The following DOCK10 variants were observed in gnomAD, a reference collection of about 807,000 sequenced individuals.
DOCK10 encodes dedicator of cytokinesis protein 10.
Under a neutral mutation model 280.1 loss-of-function variants are expected in DOCK10, and 145 were observed. The ratio of observed to expected loss-of-function variants is 0.52; its 90% confidence interval spans 0.45 to 0.59. DOCK10 has a LOEUF of 0.59. Ranked by LOEUF, DOCK10 falls within the 20% of genes least tolerant of loss-of-function variation. The probability of loss-of-function intolerance (pLI) is 0.00; values close to 1 mark genes in which losing one functional copy is unlikely to be tolerated. For missense variants in DOCK10, 2,368 were observed against 2,651.7 expected, an observed-to-expected ratio of 0.89 and a Z score of 2.35; for synonymous variants, 915 against 942.2, an observed-to-expected ratio of 0.97 and a Z score of 0.53.
At chr2:224,946,398 C>G (rs1703421905) in intron 1 of DOCK10, among the ~76,000 whole-genome samples, 1 of 150,008 alleles carries the variant, frequency 6.7e-6, no homozygotes, top group African/African-American at 2.5e-5. Flanking sequence ...TTGGATTGCT[C>G]TTTCTAAGAA....
chr2:224,886,715 A>G (rs1699305753), intron 4 of DOCK10, among the ~76,000 whole-genome samples, 184 bp from the exon 5 acceptor site: 1 of 152,130 alleles, frequency 6.6e-6, no homozygotes, highest in African/African-American at 2.4e-5. Flanking sequence ...ATGATATCTT[A>G]TCTCCAGTAT....
chr2:224,782,542 A>T (rs1691428113), intron 50 of DOCK10, among the ~76,000 whole-genome samples: 1 of 152,232 alleles, frequency 6.6e-6, no homozygotes. Flanking sequence ...AGGCTGCTAT[A>T]TGTCAAATTT....
At chr2:225,040,433 TTTTTAAAGACA>T (rs1428372781) in intron 1 of DOCK10, among the ~76,000 whole-genome samples, 1 of 152,120 alleles carries the variant, frequency 6.6e-6, no homozygotes, top group African/African-American at 2.4e-5. Context: ...CCCCCACCTC[TTTTTAAAGACA>T]GCGAGCTTAT....
intron 1 of DOCK10, among the ~76,000 whole-genome samples, chr2:225,026,396 GCTGGAAGGAAA>G: frequency 6.6e-6 from 1 of 152,154 alleles, no homozygotes; most frequent in South Asian, 2.1e-4. Context: ...TAGTGAGAAG[GCTGGAAGGAAA>G]CCACAAGGAC....
intron 30 of DOCK10, 111 bp from the exon 31 acceptor site, chr2:224,814,475 T>C (rs1329056976): frequency 5.8e-6 from 3 of 517,410 alleles, no homozygotes; most frequent in Non-Finnish European, 6.3e-6. Flanking sequence ...TATTTAAAAA[T>C]GTGAGTCTTC....
chr2:224,853,380 G>A (rs957622344), intron 16 of DOCK10, among the ~76,000 whole-genome samples: 1 of 152,148 alleles, frequency 6.6e-6, no homozygotes, highest in Non-Finnish European at 1.5e-5. Context: ...TTTTCTTTTT[G>A]TATTAAGCTT....
chr2:225,038,548 C>T (rs577021551), intron 1 of DOCK10, among the ~76,000 whole-genome samples: 141 of 152,214 alleles, frequency 9.3e-4, no homozygotes, highest in Non-Finnish European at 1.7e-3. Context: ...CCCCTCTTTA[C>T]CCCTTACACT....
intron 1 of DOCK10, among the ~76,000 whole-genome samples, chr2:224,943,948 C>T (rs1355865835): frequency 1.3e-5 from 2 of 151,670 alleles, no homozygotes; most frequent in Admixed American, 6.6e-5. Flanking sequence ...TATTTTTAGT[C>T]GAGATGGGGT....
chr2:224,870,227 T>G (rs1174846583), intron 11 of DOCK10, among the ~76,000 whole-genome samples: 1 of 152,108 alleles, frequency 6.6e-6, no homozygotes, highest in Admixed American at 6.5e-5. Context: ...ACATGTTTGA[T>G]TCCCCTTCCA....
At chr2:224,900,491 A>T (rs1700236780) in intron 3 of DOCK10, among the ~76,000 whole-genome samples, 1 of 152,182 alleles carries the variant, frequency 6.6e-6, no homozygotes, top group East Asian at 1.9e-4. Flanking sequence ...TGATTCTAAA[A>T]GTCTATTCAG....
At chr2:224,781,165 A>G (rs1384635267) in intron 50 of DOCK10, among the ~76,000 whole-genome samples, 1 of 152,140 alleles carries the variant, frequency 6.6e-6, no homozygotes, top group African/African-American at 2.4e-5. Flanking sequence ...ATGCAGCTTA[A>G]CTCAGTTTTC....
chr2:224,957,335 G>A (rs1385552708), intron 1 of DOCK10, among the ~76,000 whole-genome samples: 1 of 135,986 alleles, frequency 7.4e-6, no homozygotes, highest in African/African-American at 2.7e-5. Context: ...CTGCCACCCA[G>A]GCTAAAGTGC....
chr2:224,946,711 C>G (rs1236441226), intron 1 of DOCK10: 7 of 528,204 alleles, frequency 1.3e-5, no homozygotes, highest in Non-Finnish European at 2.2e-5. Context: ...ATATTTAGGA[C>G]CCAAATGGAA....
intron 2 of DOCK10, among the ~76,000 whole-genome samples, chr2:224,919,412 G>A (rs1265142725): frequency 6.6e-6 from 1 of 150,790 alleles, no homozygotes; most frequent in African/African-American, 2.4e-5. Context: ...ATGAATGTGT[G>A]TAGAGTGTGT....
At chr2:224,926,933 G>C (rs1249567136) in intron 2 of DOCK10, among the ~76,000 whole-genome samples, 2 of 152,336 alleles carry the variant, frequency 1.3e-5, no homozygotes, top group Admixed American at 6.5e-5. Context: ...AGAAGTCTCT[G>C]TCCTGCTAGA....
chr2:224,941,736 C>T (rs1355553564), intron 1 of DOCK10, among the ~76,000 whole-genome samples: 1 of 151,512 alleles, frequency 6.6e-6, no homozygotes, highest in Non-Finnish European at 1.5e-5. Flanking sequence ...CCCAGCTACT[C>T]GAGAGACCGA....
intron 1 of DOCK10, among the ~76,000 whole-genome samples, chr2:224,989,149 A>G (rs1706060746): frequency 6.6e-6 from 1 of 152,214 alleles, no homozygotes; most frequent in Admixed American, 6.5e-5. Context: ...TCGCTGCTGC[A>G]GAGGGAACCA....
intron 41 of DOCK10, among the ~76,000 whole-genome samples, chr2:224,798,314 G>C (rs1186849350): frequency 6.6e-6 from 1 of 152,134 alleles, no homozygotes; most frequent in Non-Finnish European, 1.5e-5. Flanking sequence ...GTCCTGTGGG[G>C]GAGAAACAGC....
Position 224,770,595 on chromosome 2 carries a change from A to C in DOCK10, c.6255T>G (p.Asn2085Lys), listed in dbSNP as rs1325780271. 1 of 1,613,888 alleles carries C rather than the reference A, an allele frequency of 6.2e-7. No homozygotes were observed. The highest frequency in any genetic ancestry group is 8.5e-7 in the Non-Finnish European group (1 of 1,179,890). The change falls in exon 54 of 56, where the codon AAT (asparagine) becomes AAG (lysine). Residue 2085 changes from asparagine (N) to lysine (K), a missense_variant. Coordinates refer to ENST00000258390, the MANE Select transcript of DOCK10 (RefSeq NM_014689.3). The surrounding 1 kb of genome is among the most constrained non-coding windows in gnomAD (Gnocchi z 4.5). ...AYARAFLEET[N>K]AKKYPDNQVK... ...CTTGGTTGTCAGGGTACTTCTTTGCATTGGTTTCTTCAAGAAAAGCTCGTG... is the reference window on the plus strand; with the variant it reads ...CTTGGTTGTCAGGGTACTTCTTTGCCTTGGTTTCTTCAAGAAAAGCTCGTG...
Sources: gnomAD v4.1 joint callset for allele counts (sites outside exome capture counted in the v4.1 genomes callset) on GRCh38, gnomAD v4.1.1 for gene constraint, Gnocchi (gnomAD v3.1) non-coding constraint, MANE v1.5 for transcripts, NCBI Gene and HGNC (gene_info 2026-07-23, HGNC 2026-07-21) for gene names.